PTPRZ1: variants seen among roughly 807,000 people sequenced by gnomAD.
PTPRZ1 encodes receptor-type tyrosine-protein phosphatase zeta.
PTPRZ1 carries 82 observed loss-of-function variants against 214.1 expected under a neutral mutation model. The observed-to-expected ratio is 0.38, with a 90% CI of 0.32 to 0.46. The LOEUF is 0.46. Among genes scored for constraint, PTPRZ1 ranks in the 20% least tolerant of loss-of-function variants. The probability of loss-of-function intolerance (pLI) is 1.00; values close to 1 mark genes in which losing one functional copy is unlikely to be tolerated. For missense variants in PTPRZ1, 2,603 were observed against 2,748.7 expected (o/e 0.95, Z 1.19); for synonymous variants, 945 against 987.9 (o/e 0.96, Z 0.81).
At chr7:121,994,564 C>A (rs187169612) in intron 8 of PTPRZ1, among the ~76,000 whole-genome samples, 2 of 152,196 alleles carry the variant, frequency 1.3e-5, no homozygotes, top group African/African-American at 4.8e-5. Context: ...TTAAATCATT[C>A]CCATTCTGTA....
chr7:122,027,719 C>A (rs984503119), intron 13 of PTPRZ1, among the ~76,000 whole-genome samples: 3 of 152,100 alleles, frequency 2.0e-5, no homozygotes, highest in African/African-American at 7.2e-5. Flanking sequence ...GTAGTTGGTT[C>A]TTTGCTCTTG....
At position 122,016,308 on chromosome 7, in the gene PTPRZ1, GT is replaced by G. The variant is rs533924756; in HGVS notation, c.4843+2425del. ...AACATCTTTTAAAATGTTAATCTTAGTTTTTTATTTCTTAATTACCTATTAA... is the reference window on the plus strand; with the variant it reads ...AACATCTTTTAAAATGTTAATCTTAGTTTTTATTTCTTAATTACCTATTAA... On this transcript the variant is annotated intron_variant, in intron 12 of 29. Transcript: ENST00000393386. Among the ~76,000 whole-genome samples the G allele has an allele frequency of 4.5e-3, 679 of 151,898 alleles. 7 individuals carry two copies. Among genetic ancestry groups the G allele is most frequent in the African/African-American group, 0.015 (605 of 41,474 alleles).
chr7:121,962,304 TG>T (rs1269519476), intron 2 of PTPRZ1, among the ~76,000 whole-genome samples: 1 of 151,566 alleles, frequency 6.6e-6, no homozygotes, highest in African/African-American at 2.4e-5. Flanking sequence ...AAAAGTTAGC[TG>T]GGCGTGGTGG....
At chr7:121,885,921 T>G (rs1794381258) in intron 1 of PTPRZ1, among the ~76,000 whole-genome samples, 1 of 152,172 alleles carries the variant, frequency 6.6e-6, no homozygotes, top group African/African-American at 2.4e-5. Context: ...AGCCAAATAG[T>G]CTCTCTGCTA....
intron 1 of PTPRZ1, among the ~76,000 whole-genome samples, chr7:121,910,468 C>T (rs935499765): frequency 2.6e-5 from 4 of 151,952 alleles, no homozygotes; most frequent in African/African-American, 4.8e-5. Context: ...GGGGGGTCCA[C>T]CAGTGCATCT....
At chr7:122,024,853 TTCAG>T (rs1393115677) in intron 13 of PTPRZ1, among the ~76,000 whole-genome samples, 3 of 152,184 alleles carry the variant, frequency 2.0e-5, no homozygotes, top group African/African-American at 4.8e-5. Flanking sequence ...CTTCTTCCCA[TTCAG>T]TCATAGTTAT....
intron 2 of PTPRZ1, among the ~76,000 whole-genome samples, chr7:121,951,955 A>T (rs1209306): frequency 0.84 from 121,148 of 144,660 alleles, 49,473 homozygotes; most frequent in Middle Eastern, 0.87. Context: ...GAGTGTATTT[A>T]TTTATTTATT....
intron 1 of PTPRZ1, among the ~76,000 whole-genome samples, chr7:121,911,239 C>T (rs1338777481): frequency 6.6e-6 from 1 of 152,064 alleles, no homozygotes; most frequent in African/African-American, 2.4e-5. Flanking sequence ...ACCAATTTCA[C>T]TAACATTTAT....
At position 121,976,970 on chromosome 7, in the gene PTPRZ1, A is replaced by T. The variant is rs1441254229; in HGVS notation, c.619+119A>T. The T allele has an allele frequency of 1.6e-4, 104 of 650,012 alleles. 1 individual carries two copies. 40.3% of individuals were successfully genotyped at this position (650,012 alleles called of 1,614,324 possible). ...GGAAAGTACTACATTTTTAAAGAGGAGCAATCTCTCACTTTCCACACTTGA... is the reference window on the plus strand; with the variant it reads ...GGAAAGTACTACATTTTTAAAGAGGTGCAATCTCTCACTTTCCACACTTGA... On this transcript the variant is annotated intron_variant, in intron 6 of 29. Coordinates refer to ENST00000393386, the MANE Select transcript of PTPRZ1 (RefSeq NM_002851.3).
intron 25 of PTPRZ1, among the ~76,000 whole-genome samples, 190 bp downstream of exon 25, chr7:122,052,129 T>C (rs73440967): frequency 0.068 from 10,422 of 152,234 alleles, 491 homozygotes; most frequent in African/African-American, 0.13. Flanking sequence ...GTGCTGGGAC[T>C]GAAGAAACCT....
chr7:121,980,405 ATTC>A (rs1336533820), intron 6 of PTPRZ1, among the ~76,000 whole-genome samples: 2 of 152,226 alleles, frequency 1.3e-5, no homozygotes, highest in African/African-American at 2.4e-5. Flanking sequence ...AAAAAAAAAT[ATTC>A]TTCTTAGTTC....
intron 1 of PTPRZ1, among the ~76,000 whole-genome samples, chr7:121,884,278 A>G (rs950503512): frequency 7.9e-5 from 12 of 152,132 alleles, no homozygotes; most frequent in Non-Finnish European, 4.4e-5. Flanking sequence ...AGTATGTTAT[A>G]TGGAAACATA....
rs143534513 is a variant in PTPRZ1, at chr7:121,885,711, G to A, written c.58+12154G>A. On this transcript the variant is annotated intron_variant, in intron 1 of 29. Coordinates refer to ENST00000393386, the MANE Select transcript of PTPRZ1 (RefSeq NM_002851.3). ...TTCCCCACCCCCAAAATGGCAAAAT[G>A]CCCATAAGAAAGTATTTCAATTCCC... Among the ~76,000 whole-genome samples, 3 of 152,174 alleles carry A rather than the reference G, an allele frequency of 2.0e-5. No individual in the cohort carries two copies. In the East Asian group the frequency reaches 5.8e-4, roughly 29 times the overall value.
intron 21 of PTPRZ1, among the ~76,000 whole-genome samples, chr7:122,041,511 A>T (rs1799733460): frequency 6.6e-6 from 1 of 152,210 alleles, no homozygotes; most frequent in Admixed American, 6.5e-5. Context: ...CATTGAATGT[A>T]TTGTCAATTC....
chr7:121,887,873 C>T (rs1033475115), intron 1 of PTPRZ1, among the ~76,000 whole-genome samples: 8 of 152,152 alleles, frequency 5.3e-5, no homozygotes, highest in African/African-American at 1.2e-4. Flanking sequence ...TTCATCCCCC[C>T]AACACCCCAG....
intron 2 of PTPRZ1, among the ~76,000 whole-genome samples, chr7:121,962,424 G>A (rs1335223735): frequency 1.4e-5 from 2 of 147,762 alleles, no homozygotes; most frequent in Non-Finnish European, 3.0e-5. Context: ...CTCCAGCCTG[G>A]GCAATAGAGA....
At chr7:121,991,060 C>T (rs1797947723) in intron 8 of PTPRZ1, among the ~76,000 whole-genome samples, 1 of 152,192 alleles carries the variant, frequency 6.6e-6, no homozygotes, top group Non-Finnish European at 1.5e-5. Flanking sequence ...TTTTAAACTC[C>T]AGCACCAATA....
intron 1 of PTPRZ1, among the ~76,000 whole-genome samples, chr7:121,925,865 C>G (rs1370246767): frequency 1.3e-5 from 2 of 152,172 alleles, no homozygotes. Context: ...GGCTCCTACC[C>G]TCCCACCTAA....
intron 1 of PTPRZ1, among the ~76,000 whole-genome samples, chr7:121,918,827 T>C (rs1172151642): frequency 1.4e-5 from 2 of 140,248 alleles, no homozygotes; most frequent in East Asian, 4.2e-4. Context: ...TAACTGTTGA[T>C]ATTTTATATC....
Sources: gnomAD v4.1 joint callset for allele counts (sites outside exome capture counted in the v4.1 genomes callset) on GRCh38, gnomAD v4.1.1 for gene constraint, MANE v1.5 for transcripts, NCBI Gene and HGNC (gene_info 2026-07-23, HGNC 2026-07-21) for gene names.